The following ZBTB7C variants were observed in gnomAD, a reference collection of about 807,000 sequenced individuals.
ZBTB7C encodes the protein zinc finger and BTB domain containing 7C, also known as zinc finger and BTB domain-containing protein 7C.
Under a neutral mutation model 25.7 loss-of-function variants are expected in ZBTB7C, and 8 were observed. The ratio of observed to expected loss-of-function variants is 0.31; its 90% CI spans 0.18 to 0.56. The LOEUF is 0.56. Among genes scored for constraint, ZBTB7C ranks in the 20% least tolerant of loss-of-function variants. The probability of loss-of-function intolerance (pLI) is 0.91; values close to 1 mark genes in which losing one functional copy is unlikely to be tolerated. For missense variants in ZBTB7C, 824 were observed against 855.2 expected (o/e 0.96, Z 0.46); for synonymous variants, 394 against 369.0 (o/e 1.07, Z -0.78).
At chr18:48,412,111 T>C (rs1459774210), upstream of ZBTB7C, among the ~76,000 whole-genome samples, 1 of 152,224 alleles carries the variant, frequency 6.6e-6, no homozygotes, top group Non-Finnish European at 1.5e-5. Context: ...ATAGAGATGC[T>C]GGAATGGTCG....
intron 2 of ZBTB7C, among the ~76,000 whole-genome samples, chr18:48,322,472 C>T (rs75692210): frequency 6.6e-6 from 1 of 152,330 alleles, no homozygotes; most frequent in East Asian, 1.9e-4. Context: ...AGGCAAGAAC[C>T]ATGTCAGCAC....
chr18:48,315,667 G>A (rs538769706), intron 2 of ZBTB7C, among the ~76,000 whole-genome samples: 2 of 152,220 alleles, frequency 1.3e-5, no homozygotes, highest in East Asian at 3.9e-4. Flanking sequence ...TAGGAAGGGT[G>A]GCTCCTCATG....
intron 3 of ZBTB7C, among the ~76,000 whole-genome samples, chr18:48,104,295 CCTCTCCTCTCT>C (rs2038950253): frequency 6.6e-6 from 1 of 152,064 alleles, no homozygotes; most frequent in Non-Finnish European, 1.5e-5. Flanking sequence ...CTGGTACCTT[CCTCTCCTCTCT>C]CTCTCCTGCT....
chr18:48,246,473 T>C (rs1010434312), intron 2 of ZBTB7C, among the ~76,000 whole-genome samples: 1 of 150,944 alleles, frequency 6.6e-6, no homozygotes, highest in Non-Finnish European at 1.5e-5. Flanking sequence ...TAATAAAGCT[T>C]AAAATAGAAA....
chr18:48,060,990 G>T (rs535855324), intron 3 of ZBTB7C, among the ~76,000 whole-genome samples: 2 of 152,258 alleles, frequency 1.3e-5, no homozygotes, highest in South Asian at 4.2e-4. Flanking sequence ...TGACCAAGCC[G>T]CCATGGAGTG....
chr18:48,382,964 T>A (rs892795688), intron 1 of ZBTB7C, among the ~76,000 whole-genome samples: 10 of 152,234 alleles, frequency 6.6e-5, no homozygotes, highest in African/African-American at 2.4e-4. Context: ...ATTTTGATTG[T>A]TGAGTAACAG....
chr18:48,093,038 A>T (rs1276332696), intron 3 of ZBTB7C, among the ~76,000 whole-genome samples: 2 of 152,236 alleles, frequency 1.3e-5, no homozygotes, highest in Non-Finnish European at 2.9e-5. Flanking sequence ...AGGACCAGGT[A>T]ATTCAACAGA....
intron 3 of ZBTB7C, among the ~76,000 whole-genome samples, chr18:48,112,962 A>G (rs1450699433): frequency 6.6e-6 from 1 of 152,222 alleles, no homozygotes; most frequent in Non-Finnish European, 1.5e-5. Flanking sequence ...TCAGTGCATC[A>G]GAGAAAAGTA....
chr18:48,403,723 G>A (rs1245686041), intron 1 of ZBTB7C, among the ~76,000 whole-genome samples: 4 of 152,178 alleles, frequency 2.6e-5, no homozygotes, highest in Non-Finnish European at 5.9e-5. Flanking sequence ...ATTGGGTACA[G>A]TGTACGCTGC....
rs1266387569 is a variant in ZBTB7C at position 48,027,129 on chromosome 18, C to T, written c.*2131G>A. 2 of 147,296 alleles carry T rather than the reference C, an allele frequency of 1.4e-5. No homozygotes were observed. The highest frequency in any genetic ancestry group is 5.0e-5 in the African/African-American group (2 of 39,910). 9.1% of individuals were successfully genotyped at this position (147,296 alleles called of 1,614,324 possible). A position where few individuals can be genotyped will look rare whatever the true frequency, so the allele number is the denominator to read the frequency against. ...CATCAAAAAAAAAAAAAAATTGAAG[C>T]AAAACAAAAACACAACCACCCCTCC... On this transcript the variant is annotated 3_prime_UTR_variant, in exon 5 of 5. Coordinates refer to ENST00000590800, the MANE Select transcript of ZBTB7C (RefSeq NM_001318841.2).
chr18:48,072,996 A>G (rs2037610759), intron 3 of ZBTB7C, among the ~76,000 whole-genome samples: 1 of 152,176 alleles, frequency 6.6e-6, no homozygotes, highest in Admixed American at 6.5e-5. Context: ...TTATAAGAGG[A>G]AAAGGAATGA....
At chr18:48,256,180 A>G (rs1317693909) in intron 2 of ZBTB7C, among the ~76,000 whole-genome samples, 2 of 152,288 alleles carry the variant, frequency 1.3e-5, no homozygotes, top group Admixed American at 6.5e-5. Flanking sequence ...AACCTGAAAC[A>G]TAAGAAATAT....
chr18:48,163,740 C>CA (rs1343396326), intron 3 of ZBTB7C, among the ~76,000 whole-genome samples: 3 of 152,110 alleles, frequency 2.0e-5, no homozygotes, highest in East Asian at 3.9e-4. Context: ...AGAGGGACAA[C>CA]AAAAAAACCA....
At chr18:48,302,632 T>C (rs76170267) in intron 2 of ZBTB7C, among the ~76,000 whole-genome samples, 3,581 of 152,312 alleles carry the variant, frequency 0.024, 70 homozygotes, top group South Asian at 0.077. Context: ...CCACGCTCTA[T>C]GTGGTGCACC....
chr18:48,291,053 T>G (rs1249732471), intron 2 of ZBTB7C, among the ~76,000 whole-genome samples: 1 of 152,182 alleles, frequency 6.6e-6, no homozygotes, highest in Non-Finnish European at 1.5e-5. Flanking sequence ...TAGCCCCAAC[T>G]CCATCTTAGG....
chr18:48,263,210 C>T (rs1469486501), intron 2 of ZBTB7C, among the ~76,000 whole-genome samples: 1 of 152,254 alleles, frequency 6.6e-6, no homozygotes, highest in East Asian at 1.9e-4. Context: ...CTAAATCTAC[C>T]TGCTCTTCAG....
intron 2 of ZBTB7C, among the ~76,000 whole-genome samples, chr18:48,295,686 C>T (rs983907507): frequency 6.6e-6 from 1 of 152,142 alleles, no homozygotes; most frequent in African/African-American, 2.4e-5. Flanking sequence ...CACTTTGGGG[C>T]TGAAATGGTT....
chr18:48,282,100 G>T (rs928897748), intron 2 of ZBTB7C, among the ~76,000 whole-genome samples: 1 of 150,560 alleles, frequency 6.6e-6, no homozygotes, highest in African/African-American at 2.5e-5. Flanking sequence ...AGAAAATGTG[G>T]CACATATACA....
chr18:48,217,896 G>A (rs1013645282), intron 2 of ZBTB7C, among the ~76,000 whole-genome samples: 1 of 152,026 alleles, frequency 6.6e-6, no homozygotes, highest in Non-Finnish European at 1.5e-5. Context: ...AGAACAATGT[G>A]CTCACAACAT....
Sources: allele counts gnomAD v4.1 joint callset (sites outside exome capture counted in the v4.1 genomes callset), GRCh38; gene constraint gnomAD v4.1.1; transcripts MANE v1.5; gene names NCBI Gene and HGNC (gene_info 2026-07-23, HGNC 2026-07-21).